Variants in TMEM132C observed in about 807,000 individuals in gnomAD.
The protein encoded by TMEM132C is transmembrane protein 132C, also known as protein phosphatase 1, regulatory subunit 152.
In TMEM132C, 29 loss-of-function variants were observed where a neutral mutation model predicts 61.4. That is an observed-to-expected ratio of 0.47 (90% CI 0.35 to 0.64). TMEM132C has a LOEUF of 0.64. TMEM132C is among the 30% of genes least tolerant of loss of function. TMEM132C has a pLI of 0.00. For synonymous variants in TMEM132C, 656 were observed against 633.1 expected (o/e 1.04, Z -0.54); for missense variants, 1,408 against 1,476.9 (o/e 0.95, Z 0.76).
intron 2 of TMEM132C, among the ~76,000 whole-genome samples, chr12:128,501,365 C>T (rs1220034315): frequency 6.6e-6 from 1 of 152,184 alleles, no homozygotes; most frequent in East Asian, 1.9e-4. Context: ...TTAATGTTAT[C>T]TTTCTTTCTC....
At chr12:128,494,024 A>T (rs931738762) in intron 2 of TMEM132C, among the ~76,000 whole-genome samples, 129 of 152,328 alleles carry the variant, frequency 8.5e-4, no homozygotes, top group African/African-American at 3.0e-3. Context: ...GATACGTCGC[A>T]TCAATACCTA....
chr12:128,402,496 A>G (rs1875196248), intron 1 of TMEM132C, among the ~76,000 whole-genome samples: 1 of 152,202 alleles, frequency 6.6e-6, no homozygotes, highest in South Asian at 2.1e-4. Context: ...GAAAAAATAC[A>G]TATGTGTTGT....
chr12:128,539,973 TTC>T (rs958010324), intron 2 of TMEM132C, among the ~76,000 whole-genome samples: 18 of 152,282 alleles, frequency 1.2e-4, no homozygotes, highest in African/African-American at 4.1e-4. Flanking sequence ...CCTCTTTCTT[TTC>T]TCTGTTTCTT....
chr12:128,427,763 C>T (rs1007311987), intron 2 of TMEM132C, among the ~76,000 whole-genome samples: 8 of 152,214 alleles, frequency 5.3e-5, no homozygotes, highest in Non-Finnish European at 1.5e-5. Context: ...GATGAAAGCA[C>T]TCCTCAGTAC....
At chr12:128,356,966 G>A (rs1873525897) in intron 1 of TMEM132C, among the ~76,000 whole-genome samples, 1 of 152,148 alleles carries the variant, frequency 6.6e-6, no homozygotes, top group African/African-American at 2.4e-5. Flanking sequence ...AAGGTCATGT[G>A]TAGTTTTCTA....
At chr12:128,663,974 C>T (rs200840422) in intron 4 of TMEM132C, among the ~76,000 whole-genome samples, 1 of 136,550 alleles carries the variant, frequency 7.3e-6, no homozygotes. Flanking sequence ...GCACATGCAC[C>T]CACACGCACG....
At chr12:128,330,417 G>A (rs117202260) in intron 1 of TMEM132C, among the ~76,000 whole-genome samples, 1,735 of 152,288 alleles carry the variant, frequency 0.011, 13 homozygotes, top group Middle Eastern at 0.024. Flanking sequence ...GGCCGGCATA[G>A]TGGTGTGCAC....
chr12:128,408,359 G>C (rs556984243), intron 1 of TMEM132C, among the ~76,000 whole-genome samples: 2 of 152,346 alleles, frequency 1.3e-5, no homozygotes, highest in Admixed American at 1.3e-4. Flanking sequence ...TGACAAGACA[G>C]CTTGTTGACA....
At chr12:128,273,546 T>C (rs1321208904) in intron 1 of TMEM132C, among the ~76,000 whole-genome samples, 1 of 152,148 alleles carries the variant, frequency 6.6e-6, no homozygotes, top group Non-Finnish European at 1.5e-5. Flanking sequence ...TTAATGTAAT[T>C]ATTCATCTAT....
chr12:128,268,423 C>G (rs2135885243), intron 1 of TMEM132C, among the ~76,000 whole-genome samples: 1 of 152,322 alleles, frequency 6.6e-6, no homozygotes, highest in South Asian at 2.1e-4. Flanking sequence ...AGGCGGGGAG[C>G]AAGGCCTAGG....
rs144129992 is a variant in TMEM132C, at chr12:128,377,166, T to C, written c.86-37566T>C. ...GCCTTCCAGGTTCAAGCGATTCTCCTGCCTCAGACTCCCAAGTAGCTGGGA... is the reference window on the plus strand; with the variant it reads ...GCCTTCCAGGTTCAAGCGATTCTCCCGCCTCAGACTCCCAAGTAGCTGGGA... On this transcript the variant is annotated intron_variant, in intron 1 of 8. Coordinates refer to ENST00000435159, the MANE Select transcript of TMEM132C (RefSeq NM_001136103.3). Among the ~76,000 whole-genome samples the C allele has an allele frequency of 4.0e-3, 606 of 152,272 alleles. 4 individuals are homozygous for C. Among genetic ancestry groups the C allele is most frequent in the African/African-American group, 0.013 (550 of 41,568 alleles).
At chr12:128,463,511 G>A (rs1318914830) in intron 2 of TMEM132C, among the ~76,000 whole-genome samples, 1 of 152,076 alleles carries the variant, frequency 6.6e-6, no homozygotes, top group South Asian at 2.1e-4. Flanking sequence ...TAGAGATGGG[G>A]TTTCGTCATG....
chr12:128,359,937 G>T (rs562843474), intron 1 of TMEM132C, among the ~76,000 whole-genome samples: 1 of 152,186 alleles, frequency 6.6e-6, no homozygotes, highest in Non-Finnish European at 1.5e-5. Context: ...TATTAATTTA[G>T]AATCCAGGAG....
intron 2 of TMEM132C, among the ~76,000 whole-genome samples, chr12:128,473,344 T>G (rs61940033): frequency 1.0e-4 from 7 of 68,940 alleles, no homozygotes; most frequent in Non-Finnish European, 1.3e-4. Flanking sequence ...TCCAGCCTCC[T>G]TCTTCATCTT....
At chr12:128,291,335 C>T (rs1299410152) in intron 1 of TMEM132C, among the ~76,000 whole-genome samples, 6 of 152,230 alleles carry the variant, frequency 3.9e-5, no homozygotes, top group South Asian at 4.1e-4. Flanking sequence ...TGTCCCCACA[C>T]GCTAGATGCC....
chr12:128,603,108 T>C (rs1447906793), intron 3 of TMEM132C, among the ~76,000 whole-genome samples: 1 of 152,182 alleles, frequency 6.6e-6, no homozygotes, highest in Admixed American at 6.5e-5. Context: ...ATTCTGCATC[T>C]AGGGGTCTTC....
chr12:128,313,341 G>A (rs1364772518), intron 1 of TMEM132C, among the ~76,000 whole-genome samples: 1 of 152,222 alleles, frequency 6.6e-6, no homozygotes, highest in Non-Finnish European at 1.5e-5. Context: ...TCAGTGATGT[G>A]AAATGGCAGA....
At chr12:128,364,422 G>A (rs1873801445) in intron 1 of TMEM132C, among the ~76,000 whole-genome samples, 1 of 152,016 alleles carries the variant, frequency 6.6e-6, no homozygotes. Flanking sequence ...CGTCCCTCGG[G>A]GGACCCGTCG....
chr12:128,392,410 C>T, intron 1 of TMEM132C, among the ~76,000 whole-genome samples: 1 of 152,270 alleles, frequency 6.6e-6, no homozygotes, highest in Non-Finnish European at 1.5e-5. Context: ...TGTGAGAGAG[C>T]CTGACCCCAG....
Sources: allele counts gnomAD v4.1 joint callset (sites outside exome capture counted in the v4.1 genomes callset), GRCh38; gene constraint gnomAD v4.1.1; transcripts MANE v1.5; gene names NCBI Gene and HGNC (gene_info 2026-07-23, HGNC 2026-07-21).